Variants in PTPN9 observed in about 807,000 individuals in gnomAD.
PTPN9 encodes the protein tyrosine-protein phosphatase non-receptor type 9.
Under a neutral mutation model 69.8 loss-of-function variants are expected in PTPN9, and 26 were observed. The ratio of observed to expected loss-of-function variants is 0.37; its 90% CI spans 0.27 to 0.52. The LOEUF is 0.52. Ranked by LOEUF, PTPN9 falls within the 20% of genes least tolerant of loss-of-function variation. The pLI is 0.91. For synonymous variants in PTPN9, 274 were observed against 272.5 expected (o/e 1.01, Z -0.05); for missense variants, 549 against 740.3 (o/e 0.74, Z 3.00).
rs559576371 is a variant in PTPN9 at position 75,505,753 on chromosome 15, G to T, written c.890C>A (p.Ala297Asp). Residue 297 changes from alanine to aspartate, a missense_variant, in exon 7 of 13, where the codon GCC (alanine) becomes GAC (aspartate). By Grantham distance (126) the Ala-to-Asp change is moderately radical. This residue lies in a region of PTPN9 where 457 missense variants were observed against 661.9 expected (regional missense o/e 0.69). Transcript: ENST00000618819. ...CTCATAGATTCCTTGCTTTTGCCTGGCATTAACATAGTCCACCAACTCTTG... is the reference window on the plus strand; with the variant it reads ...CTCATAGATTCCTTGCTTTTGCCTGTCATTAACATAGTCCACCAACTCTTG... ...TIQELVDYVN[A>D]RQKQGIYEEY... The T allele has an allele frequency of 6.2e-7, 1 of 1,614,106 alleles. No individual in the cohort carries two copies. Among genetic ancestry groups the T allele is most frequent in the South Asian group, 1.1e-5 (1 of 91,080 alleles).
chr15:75,556,806 T>C (rs767345448), intron 1 of PTPN9, among the ~76,000 whole-genome samples: 10 of 152,344 alleles, frequency 6.6e-5, no homozygotes, highest in Non-Finnish European at 1.3e-4. Flanking sequence ...AACCCAAAAT[T>C]GTTTTATCAT....
At chr15:75,469,084 A>C (rs2074550902) in intron 12 of PTPN9, 101 bp from the exon 13 acceptor site, 1 of 1,138,860 alleles carries the variant, frequency 8.8e-7, no homozygotes, top group Non-Finnish European at 1.2e-6. Flanking sequence ...TCACAGGCAA[A>C]GTGCCTCATG....
Position 75,505,941 on chromosome 15 carries a change from G to C in PTPN9, c.702C>G (p.Asn234Lys). ...QHLPRECLPE[N>K]LGGYVKIDLA... The stretch of plus-strand genomic sequence containing the variant: ...GATCAATTTTGACGTACCCACCCAG[G>C]TTTTCTGGAAGACACTCCCTGGGCA... Residue 234 changes from asparagine to lysine, a missense_variant, in exon 7 of 13, where the codon AAC becomes AAG. Asn to Lys is a moderately conservative substitution (Grantham distance 94). Around this residue, in one of 3 missense-constraint regions of PTPN9, gnomAD observed 457 missense variants for 661.9 expected, o/e 0.69. Transcript: ENST00000618819. The C allele has an allele frequency of 6.2e-7, 1 of 1,614,118 alleles. No individual in the cohort carries two copies. The highest frequency in any genetic ancestry group is 8.5e-7 in the Non-Finnish European group (1 of 1,179,980).
chr15:75,547,674 T>C (rs1252703024), intron 1 of PTPN9, among the ~76,000 whole-genome samples: 1 of 151,874 alleles, frequency 6.6e-6, no homozygotes, highest in Admixed American at 6.6e-5. Context: ...GGTTCTTTTT[T>C]TTTTTTTTTG....
At chr15:75,560,436 C>G (rs749571473) in intron 1 of PTPN9, among the ~76,000 whole-genome samples, 7 of 152,124 alleles carry the variant, frequency 4.6e-5, no homozygotes, top group Non-Finnish European at 1.0e-4. Flanking sequence ...CTTAGTGAGG[C>G]AAATGGTCAT....
chr15:75,559,729 C>T (rs1319112084), intron 1 of PTPN9, among the ~76,000 whole-genome samples: 1 of 136,674 alleles, frequency 7.3e-6, no homozygotes, highest in East Asian at 2.1e-4. Context: ...TATGACCCTG[C>T]CAAATCCCCC....
At chr15:75,521,395 C>T (rs1241052749) in intron 4 of PTPN9, among the ~76,000 whole-genome samples, 3 of 151,308 alleles carry the variant, frequency 2.0e-5, no homozygotes, top group African/African-American at 7.3e-5. Context: ...GAGCTTGCAG[C>T]GAGCTGAGAT....
intron 1 of PTPN9, among the ~76,000 whole-genome samples, chr15:75,544,571 A>C (rs1239492517): frequency 6.6e-6 from 1 of 152,040 alleles, no homozygotes; most frequent in East Asian, 1.9e-4. Context: ...CACACACACA[A>C]AAACAAGAAG....
intron 7 of PTPN9, among the ~76,000 whole-genome samples, chr15:75,503,510 C>T (rs1473625648): frequency 3.4e-5 from 5 of 148,894 alleles, no homozygotes; most frequent in Admixed American, 6.6e-5. Context: ...TGAGGAGCGT[C>T]TCCGCCCGGC....
At chr15:75,471,384 G>A (rs1279914495) in intron 10 of PTPN9, among the ~76,000 whole-genome samples, 1 of 152,144 alleles carries the variant, frequency 6.6e-6, no homozygotes, top group Admixed American at 6.6e-5. Context: ...GTTAGCAGGA[G>A]GTTTGTGTAA....
At chr15:75,525,031 G>T (rs2074921503) in intron 2 of PTPN9, among the ~76,000 whole-genome samples, 1 of 151,864 alleles carries the variant, frequency 6.6e-6, no homozygotes, top group Non-Finnish European at 1.5e-5. Context: ...GCACTGACAT[G>T]GTACCAGGAC....
At chr15:75,544,471 A>T (rs577225498) in intron 1 of PTPN9, among the ~76,000 whole-genome samples, 1 of 152,294 alleles carries the variant, frequency 6.6e-6, no homozygotes, top group African/African-American at 2.4e-5. Context: ...CCAAGTCTAC[A>T]GTGAGCTGTG....
intron 1 of PTPN9, among the ~76,000 whole-genome samples, chr15:75,530,904 A>G (rs1482018100): frequency 8.5e-6 from 1 of 118,064 alleles, no homozygotes; most frequent in Non-Finnish European, 1.6e-5. Context: ...ATTATATTAT[A>G]TATTATAATA....
intron 5 of PTPN9, among the ~76,000 whole-genome samples, chr15:75,509,336 T>TA (rs796694804): frequency 6.6e-6 from 1 of 152,184 alleles, no homozygotes; most frequent in Non-Finnish European, 1.5e-5. Flanking sequence ...ATATGCCTCT[T>TA]AAAAAAGTTA....
chr15:75,548,795 A>C (rs1446204996), intron 1 of PTPN9, among the ~76,000 whole-genome samples: 3 of 151,264 alleles, frequency 2.0e-5, no homozygotes, highest in South Asian at 4.2e-4. Flanking sequence ...CTGGGACTAC[A>C]GGCGCCCGCC....
chr15:75,481,876 G>T (rs942132434), intron 8 of PTPN9, among the ~76,000 whole-genome samples: 1 of 146,666 alleles, frequency 6.8e-6, no homozygotes, highest in Non-Finnish European at 1.5e-5. Flanking sequence ...CCTCCGGGAG[G>T]TGAGGGGGCG....
chr15:75,551,518 C>G (rs2075056515), intron 1 of PTPN9, among the ~76,000 whole-genome samples: 1 of 152,130 alleles, frequency 6.6e-6, no homozygotes, highest in Non-Finnish European at 1.5e-5. Context: ...TGCCACAAAG[C>G]CCAGCTAATT....
Position 75,575,813 on chromosome 15 carries a change from G to A in PTPN9, c.63+2901C>T, listed in dbSNP as rs545207929. ...GGGCGCCTGTAGTCCCAGCTACTCGGGAGGCTGAGACAGAAGAATGGCATG... is the reference window on the plus strand; with the variant it reads ...GGGCGCCTGTAGTCCCAGCTACTCGAGAGGCTGAGACAGAAGAATGGCATG... On this transcript the variant is annotated intron_variant, in intron 1 of 12. Transcript: ENST00000618819. 1.2e-4 allele frequency among the ~76,000 whole-genome samples: 18 copies of A among 151,582 alleles called. No homozygotes were observed. In the South Asian group the frequency reaches 3.8e-3, roughly 32 times the overall value.
At chr15:75,493,319 G>A (rs1338689973) in intron 7 of PTPN9, among the ~76,000 whole-genome samples, 1 of 151,816 alleles carries the variant, frequency 6.6e-6, no homozygotes, top group East Asian at 1.9e-4. Context: ...CATAAAACAA[G>A]AAGAGAGTGC....
Sources: allele counts gnomAD v4.1 joint callset (sites outside exome capture counted in the v4.1 genomes callset), GRCh38; gene constraint gnomAD v4.1.1; regional missense constraint gnomAD v4.1.1; transcripts MANE v1.5; gene names NCBI Gene and HGNC (gene_info 2026-07-23, HGNC 2026-07-21).